The following ACSL3 variants were observed in gnomAD, a reference collection of about 807,000 sequenced individuals.
The protein encoded by ACSL3 is acyl-CoA synthetase long chain family member 3.
ACSL3 carries 34 observed loss-of-function variants against 84.7 expected under a neutral mutation model. That is an observed-to-expected ratio of 0.40 (90% CI 0.31 to 0.53). ACSL3 has a LOEUF of 0.53. ACSL3 is among the 20% of genes least tolerant of loss of function. The pLI, the probability that ACSL3 is intolerant of heterozygous loss-of-function variation, is 0.48. For synonymous variants in ACSL3, 315 were observed against 299.4 expected, an observed-to-expected ratio of 1.05 and a Z score of -0.54; for missense variants, 680 against 873.1, an observed-to-expected ratio of 0.78 and a Z score of 2.79.
At chr2:222,938,007 A>G (rs1697221274) in intron 16 of ACSL3, among the ~76,000 whole-genome samples, 1 of 152,040 alleles carries the variant, frequency 6.6e-6, no homozygotes, top group African/African-American at 2.4e-5. Context: ...AACATCTTAA[A>G]ATTATTAACA....
At chr2:222,924,128 C>G (rs1696813335) in intron 10 of ACSL3, among the ~76,000 whole-genome samples, 1 of 152,112 alleles carries the variant, frequency 6.6e-6, no homozygotes, top group South Asian at 2.1e-4. Context: ...GGTTTTAGTT[C>G]AGAATTAGTA....
At chr2:222,879,199 T>G (rs1453709134) in intron 1 of ACSL3, among the ~76,000 whole-genome samples, 1 of 152,096 alleles carries the variant, frequency 6.6e-6, no homozygotes, top group Non-Finnish European at 1.5e-5. Flanking sequence ...GCGCTTGTAA[T>G]CCCAGCTACG....
intron 2 of ACSL3, among the ~76,000 whole-genome samples, chr2:222,888,921 T>C (rs951676879): frequency 1.3e-5 from 2 of 152,194 alleles, no homozygotes; most frequent in African/African-American, 4.8e-5. Flanking sequence ...TTGAGGGATA[T>C]ACGTGATCAA....
intron 1 of ACSL3, among the ~76,000 whole-genome samples, chr2:222,869,556 A>T (rs1373685619): frequency 6.6e-6 from 1 of 152,256 alleles, no homozygotes. Flanking sequence ...TTCTGTAAGG[A>T]CAAGAGGATT....
intron 16 of ACSL3, 129 bp from the exon 17 acceptor site, chr2:222,941,368 T>G: frequency 1.5e-6 from 1 of 672,808 alleles, no homozygotes; most frequent in Non-Finnish European, 2.4e-6. Context: ...AATAGATTCT[T>G]TAGAAGTGAC....
At chr2:222,925,161 A>G (rs1696847095) in intron 11 of ACSL3, among the ~76,000 whole-genome samples, 1 of 151,974 alleles carries the variant, frequency 6.6e-6, no homozygotes, top group African/African-American at 2.4e-5. Flanking sequence ...ACGTGACAAA[A>G]CCACATCTCT....
chr2:222,934,795 A>T, intron 16 of ACSL3, 108 bp downstream of exon 16: 1 of 1,199,920 alleles, frequency 8.3e-7, no homozygotes, highest in Non-Finnish European at 1.2e-6. Flanking sequence ...CTCAGAAACC[A>T]TTTCTACCGT....
At chr2:222,894,909 A>C (rs1695935085) in intron 2 of ACSL3, among the ~76,000 whole-genome samples, 4 of 152,020 alleles carry the variant, frequency 2.6e-5, no homozygotes, top group Admixed American at 2.6e-4. Flanking sequence ...GTTTTTTGCC[A>C]CTGAAACAGT....
At chr2:222,896,550 T>G (rs552508896) in intron 2 of ACSL3, among the ~76,000 whole-genome samples, 17 of 7,680 alleles carry the variant, frequency 2.2e-3, no homozygotes, top group African/African-American at 4.5e-3. Context: ...CCTCCCGGAC[T>G]GGGCGGCTGG....
At chr2:222,890,737 ACT>A (rs1026173737) in intron 2 of ACSL3, among the ~76,000 whole-genome samples, 3 of 151,644 alleles carry the variant, frequency 2.0e-5, no homozygotes, top group Non-Finnish European at 4.4e-5. Context: ...TGCCTCCCAG[ACT>A]CTGGTGATTC....
At chr2:222,918,912 G>T in intron 6 of ACSL3, 152 bp from the exon 7 acceptor site, 1 of 833,160 alleles carries the variant, frequency 1.2e-6, no homozygotes, top group Non-Finnish European at 1.8e-6. Flanking sequence ...TTAATCATCT[G>T]TAAAAAGTGA....
At position 222,863,830 on chromosome 2, in the gene ACSL3, A is replaced by G. The variant is rs4673042; in HGVS notation, c.-207+2572A>G. On this transcript the variant is annotated intron_variant, in intron 1 of 16. Transcript: ENST00000357430. Reference sequence around the variant, plus strand: ...TGTATGAAGCCAATTCAAATAATACATTGCAATATATTTACTTAATGGCCA... The same window carrying G: ...TGTATGAAGCCAATTCAAATAATACGTTGCAATATATTTACTTAATGGCCA... Among the ~76,000 whole-genome samples, 539 of 152,332 alleles carry G rather than the reference A, an allele frequency of 3.5e-3. 11 individuals are homozygous for G. The highest frequency in any genetic ancestry group is 0.03 in the Admixed American group (464 of 15,300).
chr2:222,901,478 A>T (rs1696147938), intron 3 of ACSL3, among the ~76,000 whole-genome samples: 1 of 132,176 alleles, frequency 7.6e-6, no homozygotes, highest in Admixed American at 8.1e-5. Context: ...TTTAAAATTA[A>T]GACATATAAG....
chr2:222,933,004 T>C (rs1258454573), intron 14 of ACSL3, 162 bp from the exon 15 acceptor site: 8 of 503,976 alleles, frequency 1.6e-5, no homozygotes, highest in Non-Finnish European at 2.8e-5. Context: ...AATTTTAATA[T>C]GTGCTTTTAA....
intron 1 of ACSL3, among the ~76,000 whole-genome samples, chr2:222,866,753 G>T (rs76333260): frequency 5.3e-5 from 1 of 18,716 alleles, no homozygotes; most frequent in African/African-American, 1.1e-4. Flanking sequence ...TGCCCCCCCC[G>T]CCCCCCCCCC....
At chr2:222,908,696 G>T in intron 3 of ACSL3, 37 bp from the exon 4 acceptor site, 1 of 1,345,690 alleles carries the variant, frequency 7.4e-7, no homozygotes. Flanking sequence ...ATTTTAAAAT[G>T]ATTTTGAACT....
chr2:222,876,538 T>G (rs1039270034), intron 1 of ACSL3, among the ~76,000 whole-genome samples: 1 of 152,068 alleles, frequency 6.6e-6, no homozygotes, highest in Admixed American at 6.5e-5. Flanking sequence ...TCCAGGCTGG[T>G]CTTGAACGCC....
intron 2 of ACSL3, among the ~76,000 whole-genome samples, chr2:222,893,813 T>A (rs1695902116): frequency 1.3e-5 from 2 of 151,948 alleles, no homozygotes; most frequent in Admixed American, 6.6e-5. Flanking sequence ...CAGGGTTGTT[T>A]TTTCTCACAG....
chr2:222,871,835 G>C (rs898823331), intron 1 of ACSL3, among the ~76,000 whole-genome samples: 2 of 152,078 alleles, frequency 1.3e-5, no homozygotes, highest in Non-Finnish European at 2.9e-5. Flanking sequence ...AATTTTTAAG[G>C]CTTGAATTAG....
Sources: gnomAD v4.1 joint callset for allele counts (sites outside exome capture counted in the v4.1 genomes callset) on GRCh38, gnomAD v4.1.1 for gene constraint, MANE v1.5 for transcripts, NCBI Gene and HGNC (gene_info 2026-07-23, HGNC 2026-07-21) for gene names.